The following LCT variants were observed in gnomAD, a reference collection of about 807,000 sequenced individuals.
LCT encodes lactase/phlorizin hydrolase.
LCT carries 90 observed loss-of-function variants against 173.0 expected under a neutral mutation model. That is an observed-to-expected ratio of 0.52 (90% confidence interval 0.44 to 0.62). The LOEUF (loss-of-function observed/expected upper bound fraction) is 0.62. Among genes scored for constraint, LCT ranks in the 20% least tolerant of loss-of-function variants. The probability of loss-of-function intolerance (pLI) is 0.00; values close to 1 mark genes in which losing one functional copy is unlikely to be tolerated. For missense variants in LCT, 1,864 were observed against 2,431.4 expected (o/e 0.77, Z 4.91); for synonymous variants, 853 against 957.6 (o/e 0.89, Z 2.02).
intron 3 of LCT, among the ~76,000 whole-genome samples, chr2:135,827,635 C>T (rs1034323180): frequency 9.9e-5 from 15 of 152,284 alleles, no homozygotes; most frequent in African/African-American, 3.4e-4. Flanking sequence ...GCATTTGATT[C>T]TCATAAGGAG....
intron 5 of LCT, 23 bp from the exon 6 acceptor site, chr2:135,818,084 A>G: frequency 6.2e-7 from 1 of 1,612,884 alleles, no homozygotes; most frequent in South Asian, 1.1e-5. Flanking sequence ...AGGGACAAAA[A>G]GGGACATAAT....
At chr2:135,826,858 C>T (rs2077893261) in intron 3 of LCT, among the ~76,000 whole-genome samples, 1 of 152,200 alleles carries the variant, frequency 6.6e-6, no homozygotes, top group African/African-American at 2.4e-5. Context: ...AGCACAGGCC[C>T]TGGGCAGCAA....
Position 135,812,709 on chromosome 2 carries a change from A to G in LCT, c.1955T>C (p.Met652Thr), listed in dbSNP as rs759110561. 1 of 1,614,198 alleles carries G rather than the reference A, an allele frequency of 6.2e-7. No individual in the cohort carries two copies. Among genetic ancestry groups the G allele is most frequent in the South Asian group, 1.1e-5 (1 of 91,082 alleles). ...CACAGGATGGGAGCACTGTCTGTTC[A>G]TCTGTTGGATCTGGGTCCTCAGGGT... ...PATLRTQIQQMNRQCSHPVAQ... is the reference protein window; with the variant it reads ...PATLRTQIQQTNRQCSHPVAQ... The change falls in exon 7 of 17, where the codon ATG becomes ACG. Residue 652 changes from methionine (M) to threonine (T), a missense_variant. Around this residue, in one of 4 missense-constraint regions of LCT, gnomAD observed 755 missense variants for 926.3 expected, o/e 0.82. Coordinates refer to ENST00000264162, the MANE Select transcript of LCT (RefSeq NM_002299.4).
intron 13 of LCT, among the ~76,000 whole-genome samples, chr2:135,795,606 A>AATAATTATAATT (rs1553651485): frequency 2.7e-5 from 4 of 147,290 alleles, no homozygotes; most frequent in African/African-American, 5.0e-5. Context: ...CTCCAACTCT[A>AATAATTATAATT]ATAATAATAA....
At chr2:135,792,225 G>A (rs1280691936) in intron 14 of LCT, among the ~76,000 whole-genome samples, 1 of 152,172 alleles carries the variant, frequency 6.6e-6, no homozygotes, top group Non-Finnish European at 1.5e-5. Flanking sequence ...AGTGGGAAGA[G>A]CCCTGTAGCC....
Position 135,790,728 on chromosome 2 carries a change from C to A in LCT, c.5265G>T (p.Arg1755=). The change falls in exon 15 of 17, where the codon CGG becomes CGT. Residue 1755 remains arginine, a synonymous_variant. Coordinates refer to ENST00000264162, the MANE Select transcript of LCT (RefSeq NM_002299.4). This position sits in a 1 kb window ranked among gnomAD's most constrained non-coding sequence, Gnocchi z 4.1. Reference sequence around the variant, plus strand: ...CAGTGTCATTGAGGTCTGTTTCTTCCCGCTGGGACACTCCATTCTCTGTGA... The same window carrying A: ...CAGTGTCATTGAGGTCTGTTTCTTCACGCTGGGACACTCCATTCTCTGTGA... ...IYVTENGVSQ[R]EETDLNDTAR... 2 of 1,613,752 alleles carry A rather than the reference C, an allele frequency of 1.2e-6. No individual in the cohort carries two copies. Among genetic ancestry groups the A allele is most frequent in the African/African-American group, 2.7e-5 (2 of 75,022 alleles).
At chr2:135,807,557 A>G (rs1009017082) in intron 8 of LCT, among the ~76,000 whole-genome samples, 161 bp from the exon 9 acceptor site, 5 of 152,174 alleles carry the variant, frequency 3.3e-5, no homozygotes, top group Admixed American at 3.3e-4. Flanking sequence ...CTTTTCTGCC[A>G]GTACCTATGA....
intron 11 of LCT, 152 bp from the exon 12 acceptor site, chr2:135,800,961 C>G: frequency 1.5e-6 from 1 of 677,538 alleles, no homozygotes; most frequent in Non-Finnish European, 2.6e-6. Flanking sequence ...CTGGCTCTCC[C>G]TCTTATTACC....
At position 135,808,668 on chromosome 2, in the gene LCT, C is replaced by T. The variant is rs753114284; in HGVS notation, c.3679G>A (p.Glu1227Lys). The T allele has an allele frequency of 2.5e-5, 41 of 1,614,024 alleles. 1 individual carries two copies. The Middle Eastern group carries it at 6.6e-4, about 26-fold the overall frequency. Reference sequence around the variant, plus strand: ...TCCTCAGCCATCTCCTGGTCGTCTTCGTAGGAGGGTGGGTTTAGCCTGGGT... The same window carrying T: ...TCCTCAGCCATCTCCTGGTCGTCTTTGTAGGAGGGTGGGTTTAGCCTGGGT... ...KTPRLNPPSYEDDQEMAEEED... is the reference protein window; with the variant it reads ...KTPRLNPPSYKDDQEMAEEED... Residue 1227 changes from glutamate (E) to lysine (K), a missense_variant, in exon 8 of 17, where the codon GAA becomes AAA. This residue lies in a region of LCT where 755 missense variants were observed against 926.3 expected (regional missense o/e 0.82). Coordinates refer to ENST00000264162, the MANE Select transcript of LCT (RefSeq NM_002299.4).
intron 12 of LCT, among the ~76,000 whole-genome samples, chr2:135,799,029 T>C (rs2077605065): frequency 1.3e-5 from 2 of 152,154 alleles, no homozygotes; most frequent in Admixed American, 1.3e-4. Context: ...ACGTTTGAAG[T>C]TTTGATTTCA....
chr2:135,834,687 CT>C (rs1302837546), intron 1 of LCT, among the ~76,000 whole-genome samples: 1 of 140,578 alleles, frequency 7.1e-6, no homozygotes, highest in East Asian at 2.2e-4. Flanking sequence ...ACTGGGAAGG[CT>C]GAGGCAGGAG....
Position 135,804,027 on chromosome 2 carries a change from G to T in LCT, c.4566C>A (p.Leu1522=), listed in dbSNP as rs1353802585. The T allele has an allele frequency of 2.5e-6, 4 of 1,614,090 alleles. No homozygotes were observed. The highest frequency in any genetic ancestry group is 3.4e-6 in the Non-Finnish European group (4 of 1,179,932). The change falls in exon 11 of 17, where the codon CTC becomes CTA. Residue 1522 remains leucine (L), a synonymous_variant. Coordinates refer to ENST00000264162, the MANE Select transcript of LCT (RefSeq NM_002299.4). ...VQRFKEYADV[L]FQRLGDKVKF... is the part of the protein sequence containing the mutation. ...TCACCTTGTCTCCCAGCCTCTGGAA[G>T]AGCACATCTGCATACTCCTTAAACC...
chr2:135,829,537 T>C (rs2077915872), intron 3 of LCT, 56 bp downstream of exon 3: 1 of 1,266,364 alleles, frequency 7.9e-7, no homozygotes, highest in East Asian at 2.3e-5. Context: ...ATGTCTAATC[T>C]GCTCTCTGAA....
chr2:135,807,288 T>G lies in LCT; in HGVS notation c.4013A>C (p.Asp1338Ala). 1 of 1,614,130 alleles carries G rather than the reference T, an allele frequency of 6.2e-7. No homozygotes were observed. The highest frequency in any genetic ancestry group is 1.1e-5 in the South Asian group (1 of 91,064). ...GCGAGGCCTGTTCGTGTTGTTGAAA[T>G]CAACATGGTACAGTCCAAACTTGAC... ...YTVKFGLYHV[D>A]FNNTNRPRTA... is the part of the protein sequence containing the mutation. The change falls in exon 9 of 17, where the codon GAT becomes GCT. Residue 1338 changes from aspartate to alanine, a missense_variant. By Grantham distance (126) the Asp-to-Ala change is moderately radical. Around this residue, in one of 4 missense-constraint regions of LCT, gnomAD observed 514 missense variants for 750.1 expected, o/e 0.69. Transcript: ENST00000264162.
intron 9 of LCT, among the ~76,000 whole-genome samples, chr2:135,806,825 T>A (rs898721083): frequency 6.6e-6 from 1 of 152,246 alleles, no homozygotes; most frequent in Non-Finnish European, 1.5e-5. Flanking sequence ...ATCCCTGTTG[T>A]GAGCAATGCG....
At chr2:135,805,414 C>T (rs1269816941) in intron 9 of LCT, among the ~76,000 whole-genome samples, 2 of 152,230 alleles carry the variant, frequency 1.3e-5, no homozygotes, top group African/African-American at 2.4e-5. Flanking sequence ...CCCACTCTTG[C>T]ACAGAGACAG....
intron 13 of LCT, among the ~76,000 whole-genome samples, chr2:135,797,290 G>A (rs536330404): frequency 2.0e-5 from 3 of 152,126 alleles, no homozygotes; most frequent in Admixed American, 6.5e-5. Context: ...ATATGGGGGC[G>A]TCTAGGGGCA....
chr2:135,809,603 G>A lies in LCT; in HGVS notation c.2744C>T (p.Ala915Val). Residue 915 changes from alanine to valine, a missense_variant, in exon 8 of 17, where the codon GCT becomes GTT. Around this residue, in one of 4 missense-constraint regions of LCT, gnomAD observed 755 missense variants for 926.3 expected, o/e 0.82. Transcript: ENST00000264162. The surrounding 1 kb of genome is among the most constrained non-coding windows in gnomAD (Gnocchi z 5.5). ...ATCCCACGCGCCTTCAATCTGATAA[G>A]CGGAAGAGGACACGCCCCACAGAAA... ...DDFLWGVSSS[A>V]YQIEGAWDAD... 1.2e-6 allele frequency: 2 copies of A among 1,614,198 alleles called. No individual in the cohort carries two copies. Among genetic ancestry groups the A allele is most frequent in the Non-Finnish European group, 1.7e-6 (2 of 1,180,044 alleles).
chr2:135,800,550 T>C (rs970750269), intron 12 of LCT, 57 bp downstream of exon 12: 76 of 1,388,470 alleles, frequency 5.5e-5, no homozygotes, highest in Middle Eastern at 5.0e-4. Context: ...CTGTTTCCAT[T>C]AGGCTGGAAG....
Sources: gnomAD v4.1 joint callset for allele counts (sites outside exome capture counted in the v4.1 genomes callset) on GRCh38, gnomAD v4.1.1 for gene constraint, gnomAD v4.1.1 regional missense constraint, Gnocchi (gnomAD v3.1) non-coding constraint, MANE v1.5 for transcripts, NCBI Gene and HGNC (gene_info 2026-07-23, HGNC 2026-07-21) for gene names.